The following EVI5 variants were observed in gnomAD, a reference collection of about 807,000 sequenced individuals.
EVI5 encodes the protein ecotropic viral integration site 5 protein homolog.
A neutral mutation model predicts 112.0 loss-of-function variants in EVI5; 73 were observed. The ratio of observed to expected loss-of-function variants is 0.65; its 90% confidence interval spans 0.54 to 0.79. The LOEUF (loss-of-function observed/expected upper bound fraction) is 0.79, where lower values mean the gene tolerates loss of function less well. EVI5 is among the 30% of genes least tolerant of loss of function. EVI5 has a pLI of 0.00. For missense variants in EVI5, 900 were observed against 968.8 expected, an observed-to-expected ratio of 0.93 and a Z score of 0.94; for synonymous variants, 305 against 319.9, an observed-to-expected ratio of 0.95 and a Z score of 0.50.
chr1:92,765,355 G>T (rs1304841676), intron 1 of EVI5, among the ~76,000 whole-genome samples: 11 of 150,114 alleles, frequency 7.3e-5, no homozygotes, highest in African/African-American at 2.4e-4. Flanking sequence ...AAGACCGGCT[G>T]CTTTATGCAT....
At chr1:92,715,014 CT>C (rs1227437739) in intron 2 of EVI5, among the ~76,000 whole-genome samples, 3 of 150,530 alleles carry the variant, frequency 2.0e-5, no homozygotes, top group Non-Finnish European at 3.0e-5. Context: ...ATTTTTTTTT[CT>C]TTTTTTTTGA....
At position 92,736,632 on chromosome 1, in the gene EVI5, G is replaced by A. The variant is rs780880153; in HGVS notation, c.-81-5C>T. 1 of 1,602,704 alleles carries A rather than the reference G, an allele frequency of 6.2e-7. No individual in the cohort carries two copies. ...TGCAACTTTGTCTGTCGCCACCTAA[G>A]GACAAAAATAAAAGTTGCATATACT... On this transcript the variant is annotated splice_polypyrimidine_tract_variant and splice_region_variant and intron_variant, in intron 1 of 19. Transcript: ENST00000684568.
rs567572554 is a variant in EVI5 at position 92,774,934 on chromosome 1, G to A, written c.-82+9902C>T. Among the ~76,000 whole-genome samples the A allele has an allele frequency of 3.3e-5, 5 of 152,238 alleles. No individual in the cohort carries two copies. In the East Asian group the frequency reaches 9.6e-4, roughly 29 times the overall value. On this transcript the variant is annotated intron_variant, in intron 1 of 19. Transcript: ENST00000684568. ...ATGACACTTTGCAAGCAAACTTAGG[G>A]GGTCACAATCAACAGGTTCTAACAA... is the stretch of plus-strand genomic sequence containing the variant.
At chr1:92,714,923 T>C (rs1673384397) in intron 2 of EVI5, among the ~76,000 whole-genome samples, 1 of 152,130 alleles carries the variant, frequency 6.6e-6, no homozygotes, top group Non-Finnish European at 1.5e-5. Flanking sequence ...GAGATGTTTT[T>C]CCACCAGGAT....
intron 1 of EVI5, among the ~76,000 whole-genome samples, chr1:92,752,193 A>C (rs1405462418): frequency 1.3e-5 from 2 of 151,822 alleles, no homozygotes; most frequent in Non-Finnish European, 2.9e-5. Context: ...ATTCAATAAA[A>C]TGACGGAATC....
At chr1:92,611,999 G>A (rs765380220) in intron 16 of EVI5, among the ~76,000 whole-genome samples, 21 of 151,932 alleles carry the variant, frequency 1.4e-4, no homozygotes, top group Non-Finnish European at 1.9e-4. Flanking sequence ...ATCCAGATAA[G>A]CTCTGACTCC....
chr1:92,557,426 G>A (rs927469773), intron 19 of EVI5, among the ~76,000 whole-genome samples: 9 of 152,006 alleles, frequency 5.9e-5, no homozygotes, highest in African/African-American at 2.2e-4. Flanking sequence ...TGGGGTTACA[G>A]GCACGCACCA....
At chr1:92,550,646 C>T (rs1479557069) in intron 19 of EVI5, among the ~76,000 whole-genome samples, 1 of 139,568 alleles carries the variant, frequency 7.2e-6, no homozygotes, top group Non-Finnish European at 1.5e-5. Flanking sequence ...ACTTGGGAGG[C>T]TGAGGCAGGG....
At chr1:92,633,491 C>A (rs570022094) in intron 14 of EVI5, among the ~76,000 whole-genome samples, 2 of 152,276 alleles carry the variant, frequency 1.3e-5, no homozygotes, top group Admixed American at 1.3e-4. Context: ...ACTAGGATTG[C>A]AACCCCTGCC....
chr1:92,532,007 G>GC (rs1662949218), intron 19 of EVI5, among the ~76,000 whole-genome samples: 1 of 151,906 alleles, frequency 6.6e-6, no homozygotes. Flanking sequence ...CTGGAGAGAG[G>GC]CAAGACCCAT....
chr1:92,646,219 A>G (rs1224709946), intron 13 of EVI5, among the ~76,000 whole-genome samples: 1 of 152,214 alleles, frequency 6.6e-6, no homozygotes. Context: ...CTTCAAAAAC[A>G]TTTCAGCATT....
At chr1:92,707,047 C>T (rs1171611733) in intron 2 of EVI5, among the ~76,000 whole-genome samples, 2 of 151,924 alleles carry the variant, frequency 1.3e-5, no homozygotes, top group African/African-American at 4.8e-5. Context: ...GGCATGGTGG[C>T]ACATGCCTGT....
chr1:92,627,677 C>G (rs6687803), intron 14 of EVI5, among the ~76,000 whole-genome samples: 5 of 152,296 alleles, frequency 3.3e-5, no homozygotes, highest in Non-Finnish European at 7.3e-5. Context: ...ATTGCATCCA[C>G]GCCAACATCT....
At chr1:92,755,079 T>G (rs1054132330) in intron 1 of EVI5, among the ~76,000 whole-genome samples, 7 of 151,166 alleles carry the variant, frequency 4.6e-5, no homozygotes, top group African/African-American at 7.3e-5. Context: ...TTTTTTTTTT[T>G]TTTTTTTTTT....
chr1:92,552,212 G>A (rs1000956256), intron 19 of EVI5, among the ~76,000 whole-genome samples: 6 of 151,038 alleles, frequency 4.0e-5, no homozygotes, highest in African/African-American at 1.5e-4. Flanking sequence ...CAAGAGAACT[G>A]ACTGAATTCA....
At chr1:92,620,465 G>C (rs1356234234) in intron 16 of EVI5, among the ~76,000 whole-genome samples, 1 of 143,744 alleles carries the variant, frequency 7.0e-6, no homozygotes, top group Non-Finnish European at 1.5e-5. Flanking sequence ...AAAAAACCCA[G>C]ATCTGGGTAT....
chr1:92,694,128 G>A (rs1669927342), intron 8 of EVI5, among the ~76,000 whole-genome samples, 171 bp downstream of exon 8: 1 of 151,874 alleles, frequency 6.6e-6, no homozygotes, highest in Non-Finnish European at 1.5e-5. Context: ...CAGGTGTAGT[G>A]GTGCATGCTT....
intron 1 of EVI5, among the ~76,000 whole-genome samples, chr1:92,765,048 C>T (rs747159348): frequency 6.6e-5 from 10 of 151,904 alleles, no homozygotes; most frequent in Non-Finnish European, 1.5e-4. Context: ...TTTTATGAGG[C>T]GGACAATATA....
At chr1:92,656,968 T>G (rs548297128) in intron 13 of EVI5, among the ~76,000 whole-genome samples, 1 of 151,992 alleles carries the variant, frequency 6.6e-6, no homozygotes, top group Non-Finnish European at 1.5e-5. Flanking sequence ...AATGAAGAAC[T>G]AGTACCAATT....
Sources: allele counts gnomAD v4.1 joint callset (sites outside exome capture counted in the v4.1 genomes callset), GRCh38; gene constraint gnomAD v4.1.1; transcripts MANE v1.5; gene names NCBI Gene and HGNC (gene_info 2026-07-23, HGNC 2026-07-21).